Variants in ANK3 observed in about 807,000 individuals in gnomAD.
ANK3 encodes ankyrin 3.
In ANK3, 57 loss-of-function variants were observed where a neutral mutation model predicts 370.9. The ratio of observed to expected loss-of-function variants is 0.15; its 90% CI spans 0.12 to 0.19. The LOEUF is 0.19. Among genes scored for constraint, ANK3 ranks in the 10% least tolerant of loss-of-function variants. The pLI, the probability that ANK3 is intolerant of heterozygous loss-of-function variation, is 1.00. For synonymous variants in ANK3, 1,929 were observed against 1,946.3 expected, an observed-to-expected ratio of 0.99 and a Z score of 0.23; for missense variants, 4,439 against 5,302.1, an observed-to-expected ratio of 0.84 and a Z score of 5.06.
upstream of ANK3, among the ~76,000 whole-genome samples, chr10:60,390,279 C>G (rs917567276): frequency 1.1e-4 from 17 of 152,120 alleles, no homozygotes; most frequent in Admixed American, 3.3e-4. Context: ...GGCTTGTTGT[C>G]TTTTAAAAAC....
At chr10:60,268,742 A>G (rs2097917420) in intron 5 of ANK3, among the ~76,000 whole-genome samples, 1 of 152,092 alleles carries the variant, frequency 6.6e-6, no homozygotes, top group South Asian at 2.1e-4. Context: ...AATGTTCTGT[A>G]AAAGTGTTGT....
chr10:60,325,779 G>T (rs143195421), intron 1 of ANK3, among the ~76,000 whole-genome samples: 4,644 of 152,248 alleles, frequency 0.031, 242 homozygotes, highest in African/African-American at 0.11. Flanking sequence ...CCATTACTGG[G>T]TATATACCCA....
rs139443806 is a variant in ANK3, at chr10:60,634,655, G to A, written c.58-19431C>T. 4.7e-3 allele frequency among the ~76,000 whole-genome samples: 710 copies of A among 152,120 alleles called. 6 individuals carry two copies. Among genetic ancestry groups the A allele is most frequent in the African/African-American group, 0.016 (668 of 41,508 alleles). On this transcript the variant is annotated intron_variant, in intron 1 of 43. Coordinates refer to the ANK3 transcript ENST00000373827. ...CAGCTCGGGTCCCCTTCAACGCTGT[G>A]GAAGCTTTGTTCTTTTGCTTTTCAA...
intron 1 of ANK3, among the ~76,000 whole-genome samples, chr10:60,678,753 T>C (rs190755335): frequency 6.6e-6 from 1 of 152,312 alleles, no homozygotes; most frequent in African/African-American, 2.4e-5. Flanking sequence ...CCTCACAGTT[T>C]CAGAAACAAA....
chr10:60,251,688 G>A (rs190820275), intron 7 of ANK3, among the ~76,000 whole-genome samples: 26 of 152,270 alleles, frequency 1.7e-4, no homozygotes, highest in Non-Finnish European at 3.7e-4. Flanking sequence ...TGCCCCTGTC[G>A]GTACTTTTCT....
intron 1 of ANK3, among the ~76,000 whole-genome samples, chr10:60,621,166 T>C (rs1345065581): frequency 1.3e-5 from 2 of 151,976 alleles, no homozygotes; most frequent in Non-Finnish European, 2.9e-5. Flanking sequence ...TGCCAGGCAA[T>C]GCAATGCAAT....
rs1261201191 is a variant in ANK3, at chr10:60,330,142, G to A, written c.115-50503C>T. 2.0e-5 allele frequency among the ~76,000 whole-genome samples: 3 copies of A among 152,086 alleles called. No individual in the cohort carries two copies. The East Asian group carries it at 5.8e-4, about 29-fold the overall frequency. On this transcript the variant is annotated intron_variant, in intron 1 of 43. Transcript: ENST00000280772. ...CCTTATACAAAAATTAACTCAAGAT[G>A]GATTAAAGACTGAAACGTAAGACCT...
At chr10:60,053,731 A>AT (rs1203885120) in intron 42 of ANK3, 48 of 1,303,694 alleles carry the variant, frequency 3.7e-5, no homozygotes, top group Non-Finnish European at 4.9e-5. Flanking sequence ...TTTTGACCTG[A>AT]TTTTTTAGGG....
chr10:60,407,024 T>C (rs2063469897), intron 2 of ANK3, among the ~76,000 whole-genome samples: 1 of 152,178 alleles, frequency 6.6e-6, no homozygotes. Context: ...TGGAAATATA[T>C]CATTTTCCCT....
intron 1 of ANK3, among the ~76,000 whole-genome samples, chr10:60,711,956 C>A (rs2079715065): frequency 6.6e-6 from 1 of 152,154 alleles, no homozygotes. Flanking sequence ...AACCCTCAAC[C>A]TATAGTTTCA....
At chr10:60,166,106 GT>G (rs71866884) in intron 23 of ANK3, among the ~76,000 whole-genome samples, 7,435 of 148,540 alleles carry the variant, frequency 0.05, 490 homozygotes, top group African/African-American at 0.15. Flanking sequence ...TATTTCAAAA[GT>G]TTTTTTTTTC....
intron 22 of ANK3, 60 bp from the exon 23 acceptor site, chr10:60,166,713 C>G: frequency 6.3e-7 from 1 of 1,591,168 alleles, no homozygotes; most frequent in Non-Finnish European, 8.6e-7. Flanking sequence ...GATATTACAA[C>G]AAAACGTTTC....
intron 2 of ANK3, among the ~76,000 whole-genome samples, chr10:60,468,435 C>A (rs896170459): frequency 6.6e-6 from 1 of 152,046 alleles, no homozygotes; most frequent in Non-Finnish European, 1.5e-5. Flanking sequence ...GAAAAAGGAA[C>A]AGCAATAATT....
At chr10:60,061,198 A>G (rs1210101605) in intron 40 of ANK3, among the ~76,000 whole-genome samples, 2 of 152,242 alleles carry the variant, frequency 1.3e-5, no homozygotes. Context: ...ATGGTCATCT[A>G]TAAACCAGAC....
chr10:60,181,266 CTTCCT>C, intron 18 of ANK3, 58 bp downstream of exon 18: 1 of 1,341,406 alleles, frequency 7.5e-7, no homozygotes, highest in Non-Finnish European at 1.1e-6. Context: ...ATTATAGTTT[CTTCCT>C]TACTGCAGTC....
chr10:60,347,050 A>G (rs2055709643), intron 1 of ANK3, among the ~76,000 whole-genome samples: 1 of 62,448 alleles, frequency 1.6e-5, no homozygotes, highest in African/African-American at 5.4e-5. Flanking sequence ...AGCAAGAAAT[A>G]TATGATATAT....
intron 8 of ANK3, 81 bp downstream of exon 8, chr10:60,234,607 T>A (rs2097300700): frequency 1.3e-6 from 1 of 774,078 alleles, no homozygotes; most frequent in African/African-American, 1.7e-5. Flanking sequence ...AAGCTCATGT[T>A]GTATCAGTGC....
At position 60,038,461 on chromosome 10, in the gene ANK3, T is replaced by G. The variant is rs117964471; in HGVS notation, c.*19+4211A>C. On this transcript the variant is annotated intron_variant, in intron 43 of 43. Coordinates refer to ENST00000280772, the MANE Select transcript of ANK3 (RefSeq NM_020987.5). Reference sequence around the variant, plus strand: ...GCCCACTTGTTAATGGGGTGGGTGGTTTTTTGCTTGTAAAAAGCAAAAATT... The same window carrying G: ...GCCCACTTGTTAATGGGGTGGGTGGGTTTTTGCTTGTAAAAAGCAAAAATT... 1.7e-3 allele frequency among the ~76,000 whole-genome samples: 261 copies of G among 152,260 alleles called. 6 individuals carry two copies. The East Asian group carries it at 0.042, about 25-fold the overall frequency.
At chr10:60,189,983 T>C (rs2096443668) in intron 16 of ANK3, among the ~76,000 whole-genome samples, 1 of 152,202 alleles carries the variant, frequency 6.6e-6, no homozygotes, top group African/African-American at 2.4e-5. Context: ...CTATCTCTTC[T>C]ACAATTAGTA....
Sources: gnomAD v4.1 joint callset for allele counts (sites outside exome capture counted in the v4.1 genomes callset) on GRCh38, gnomAD v4.1.1 for gene constraint, MANE v1.5 for transcripts, NCBI Gene and HGNC (gene_info 2026-07-23, HGNC 2026-07-21) for gene names.